The following TEPSIN variants were observed in gnomAD, a reference collection of about 807,000 sequenced individuals.
The protein encoded by TEPSIN is AP-4 complex accessory subunit tepsin.
TEPSIN carries 50 observed loss-of-function variants against 48.5 expected under a neutral mutation model. That is an observed-to-expected ratio of 1.03 (90% confidence interval 0.82 to 1.31). TEPSIN has a LOEUF of 1.31. Ranked by LOEUF, TEPSIN falls within the 50% of genes most tolerant of loss-of-function variation. TEPSIN has a pLI of 0.00. For synonymous variants in TEPSIN, 392 were observed against 358.8 expected (o/e 1.09, Z -1.05); for missense variants, 838 against 815.9 (o/e 1.03, Z -0.33).
At chr17:81,231,749 T>C in intron 9 of TEPSIN, 58 bp from the exon 10 acceptor site, 2 of 1,607,798 alleles carry the variant, frequency 1.2e-6, no homozygotes. Context: ...CACTCCTGTC[T>C]CGCATGGGGG....
chr17:81,229,245 CT>C lies in TEPSIN; in HGVS notation c.1464del (p.Asp489MetfsTer103). 1.2e-6 allele frequency: 1 copy of C among 816,918 alleles called. No individual in the cohort carries two copies. The highest frequency in any genetic ancestry group is 4.0e-5 in the Admixed American group (1 of 25,026). The allele number at this position is 816,918 out of a possible 1,614,324, so 50.6% of individuals were successfully genotyped here. ...CCGGGGGCTGGAATGGGGGAGGCAT[CT>C]GGGGGTGGGGTGGGCACAGGGCTGG... is the stretch of plus-strand genomic sequence containing the variant. ...MPSSPVPTPP[P>X]DASPIPAPGD... On this transcript the variant is annotated frameshift_variant, in exon 13 of 13. Transcript: ENST00000637944. LOFTEE classifies it low-confidence loss of function (END_TRUNC).
chr17:81,229,203 C>G lies in TEPSIN; in HGVS notation c.1507G>C (p.Glu503Gln). 1 of 1,569,634 alleles carries G rather than the reference C, an allele frequency of 6.4e-7. No homozygotes were observed. Among genetic ancestry groups the G allele is most frequent in the East Asian group, 2.3e-5 (1 of 42,628 alleles). The change falls in exon 13 of 13, where the codon GAG becomes CAG. Residue 503 changes from glutamate to glutamine, a missense_variant. By Grantham distance (29) the Glu-to-Gln change is conservative. Coordinates refer to ENST00000637944, the MANE Select transcript of TEPSIN (RefSeq NM_001363764.2). ...IPAPGDPSEAEARLAESRRWR... is the reference protein window; with the variant it reads ...IPAPGDPSEAQARLAESRRWR... The stretch of plus-strand genomic sequence containing the variant: ...CGCCTGCTTTCTGCCAGTCTGGCCT[C>G]GGCCTCGCTGGGGTCTCCGGGGGCT...
At chr17:81,231,182 C>CACACACAT in intron 11 of TEPSIN, 1 of 597,946 alleles carries the variant, frequency 1.7e-6, no homozygotes, top group Non-Finnish European at 3.0e-6. Context: ...GTGTACACAC[C>CACACACAT]GCACACATGC....
rs554257342 is a variant in TEPSIN at position 81,232,435 on chromosome 17, G to C, written c.610C>G (p.Pro204Ala). 1.6e-5 allele frequency: 25 copies of C among 1,535,768 alleles called. No individual in the cohort carries two copies. In the East Asian group the frequency reaches 5.4e-4, roughly 33 times the overall value. ...ASAMRPGPESPSTRRLLPRGD... is the reference protein window; with the variant it reads ...ASAMRPGPESASTRRLLPRGD... ...CGCGGCAGGAGCCTCCGGGTACTGG[G>C]ACTCTCGGGCCCGGGGCGCATGGCG... Residue 204 changes from proline (P) to alanine (A), a missense_variant, in exon 8 of 13, where the codon CCC becomes GCC. Pro to Ala is a conservative substitution (Grantham distance 27, BLOSUM62 -1). Transcript: ENST00000637944.
chr17:81,237,902 C>T, intron 1 of TEPSIN: 1 of 897,846 alleles, frequency 1.1e-6, no homozygotes, highest in South Asian at 4.3e-5. Flanking sequence ...GTGACAGCCG[C>T]TCAGCGTGAC....
chr17:81,230,933 G>GACACCAGAGCC lies in TEPSIN; in HGVS notation c.1099-256_1099-255insGGCTCTGGTGT. 1.9e-6 allele frequency: 1 copy of GACACCAGAGCC among 539,342 alleles called. No individual in the cohort carries two copies. The highest frequency in any genetic ancestry group is 2.5e-5 in the South Asian group (1 of 40,524). 33.4% of individuals were successfully genotyped at this position (539,342 alleles called of 1,614,324 possible). A position where few individuals can be genotyped will look rare whatever the true frequency, so the allele number is the denominator to read the frequency against. ...CCTGTCTTCACCGCCTTACACCCCA[G>GACACCAGAGCC]CTCCCGGACACCAGAGCCATGTCCT... On this transcript the variant is annotated intron_variant, in intron 11 of 12. Coordinates refer to ENST00000637944, the MANE Select transcript of TEPSIN (RefSeq NM_001363764.2). This position sits in a 1 kb window ranked among gnomAD's most constrained non-coding sequence, Gnocchi z 4.2.
intron 12 of TEPSIN, chr17:81,229,711 G>A: frequency 7.1e-6 from 4 of 565,922 alleles, no homozygotes; most frequent in South Asian, 6.8e-5. Context: ...TACACACCTC[G>A]AATCTTGCTC....
rs1162252005 is a variant in TEPSIN at position 81,236,717 on chromosome 17, C to T, written c.298G>A (p.Glu100Lys). 7.0e-6 allele frequency: 11 copies of T among 1,563,532 alleles called. No homozygotes were observed. Among genetic ancestry groups the T allele is most frequent in the Non-Finnish European group, 9.5e-6 (11 of 1,154,608 alleles). The change falls in exon 4 of 13, where the codon GAA (glutamate) becomes AAA (lysine). Residue 100 changes from glutamate to lysine, a missense_variant. Transcript: ENST00000637944. The stretch of plus-strand genomic sequence containing the variant: ...TGCGCGGCCCCTGTACCTGCAGCTT[C>T]CTGGATGAAGGCAGAGTTGCGTTTG... ...ILKRNSAFIQ[E>K]AAAFAGPPDP...
rs1215198850 is a variant in TEPSIN at position 81,228,629 on chromosome 17, C to T, written c.*299G>A. The T allele has an allele frequency of 4.3e-5, 20 of 467,500 alleles. No individual in the cohort carries two copies. Among genetic ancestry groups the T allele is most frequent in the South Asian group, 1.9e-4 (7 of 37,632 alleles). 29.0% of individuals were successfully genotyped at this position (467,500 alleles called of 1,614,324 possible). A position where few individuals can be genotyped will look rare whatever the true frequency, so the allele number is the denominator to read the frequency against. ...AAAATGAAATAAGGAACCTGGTAGT[C>T]GCTTCCGCATTCATACAAGAAACCT... is the stretch of plus-strand genomic sequence containing the variant. On this transcript the variant is annotated 3_prime_UTR_variant, in exon 13 of 13. Transcript: ENST00000637944.
In TEPSIN at chr17:81,228,957, G is replaced by A. The variant is rs1397035761; in HGVS notation, c.1753C>T (p.Pro585Ser). ...TAAKEPPGSE[P>S]SAFAFLNA is the part of the protein sequence containing the mutation. ...GCGTTCAGGAACGCGAAAGCTGACG[G>A]CTCTGAGCCAGGAGGCTCTTTGGCT... Residue 585 changes from proline (P) to serine (S), a missense_variant, in exon 13 of 13, where the codon CCG (proline) becomes TCG (serine). Physicochemically the swap from Pro to Ser is moderately conservative, Grantham distance 74. Coordinates refer to ENST00000637944, the MANE Select transcript of TEPSIN (RefSeq NM_001363764.2). 2 of 1,613,768 alleles carry A rather than the reference G, an allele frequency of 1.2e-6. No individual in the cohort carries two copies. The highest frequency in any genetic ancestry group is 1.7e-6 in the Non-Finnish European group (2 of 1,180,014).
intron 1 of TEPSIN, chr17:81,238,199 C>T: frequency 1.0e-6 from 1 of 985,498 alleles, no homozygotes; most frequent in Non-Finnish European, 1.2e-6. Context: ...GAAGTGTTTC[C>T]CGAGGCTGTG....
intron 8 of TEPSIN, 139 bp downstream of exon 8, chr17:81,232,176 T>C (rs1367549715): frequency 4.6e-6 from 6 of 1,305,594 alleles, no homozygotes; most frequent in East Asian, 5.1e-5. Context: ...ACCAGCCCCA[T>C]GGGCATGTGC....
At chr17:81,231,204 C>T (rs925789946) in intron 11 of TEPSIN, 194 bp downstream of exon 11, 3 of 615,708 alleles carry the variant, frequency 4.9e-6, no homozygotes, top group Non-Finnish European at 8.5e-6. Context: ...CGAGTGTGTA[C>T]ACACACAGGC....
At chr17:81,237,998 T>C (rs2062756037) in intron 1 of TEPSIN, 2 of 997,088 alleles carry the variant, frequency 2.0e-6, no homozygotes, top group Non-Finnish European at 2.4e-6. Flanking sequence ...TCATGCTTAC[T>C]TACTGGCACA....
Position 81,229,334 on chromosome 17 carries a change from A to G in TEPSIN, c.1376T>C (p.Leu459Pro), listed in dbSNP as rs2062537940. The G allele has an allele frequency of 6.4e-7, 1 of 1,567,314 alleles. No homozygotes were observed. The highest frequency in any genetic ancestry group is 1.4e-5 in the African/African-American group (1 of 73,824). The change falls in exon 13 of 13, where the codon CTG becomes CCG. Residue 459 changes from leucine to proline, a missense_variant. Physicochemically the swap from Leu to Pro is moderately conservative, Grantham distance 98. Transcript: ENST00000637944. ...AVPLPGSQVF[L>P]QPLSSTPVSS... ...GACCGGGGTTGAACTCAGAGGCTGC[A>G]GGAAGACCTGGCTCCCAGGGAGAGG...
intron 4 of TEPSIN, among the ~76,000 whole-genome samples, chr17:81,235,446 A>G (rs1234816201): frequency 6.6e-6 from 1 of 152,090 alleles, no homozygotes; most frequent in African/African-American, 2.4e-5. Context: ...CCTGTGTGTC[A>G]CCCAGGGCCA....
intron 4 of TEPSIN, 141 bp downstream of exon 4, chr17:81,236,567 C>T: frequency 1.1e-6 from 1 of 892,234 alleles, no homozygotes; most frequent in East Asian, 2.6e-5. Flanking sequence ...GGGCCAGGAT[C>T]AGCAAGGCGG....
At position 81,230,836 on chromosome 17, in the gene TEPSIN, C is replaced by T. The variant is rs1598349027; in HGVS notation, c.1099-158G>A. On this transcript the variant is annotated intron_variant, in intron 11 of 12. Coordinates refer to ENST00000637944, the MANE Select transcript of TEPSIN (RefSeq NM_001363764.2). This position sits in a 1 kb window ranked among gnomAD's most constrained non-coding sequence, Gnocchi z 4.2. ...TCCACCACAGCCCTGTCCTCACCGC[C>T]TTACACCCCGGATCCCAGACACCAC... 1 of 946,994 alleles carries T rather than the reference C, an allele frequency of 1.1e-6. No homozygotes were observed. Among genetic ancestry groups the T allele is most frequent in the Non-Finnish European group, 1.5e-6 (1 of 666,694 alleles). 58.7% of individuals were successfully genotyped at this position (946,994 alleles called of 1,614,324 possible).
rs2062613651 is a variant in TEPSIN, at chr17:81,231,681, C to T, written c.916G>A (p.Val306Met). Residue 306 changes from valine (V) to methionine (M), a missense_variant, in exon 10 of 13, where the codon GTG (valine) becomes ATG (methionine). Val to Met is a conservative substitution (Grantham distance 21). Transcript: ENST00000637944. ...TCCTGCTGACAGTCACTCAGGGCCA[C>T]CACCTCGACCCTGCCAGGGGGAATG... is the stretch of plus-strand genomic sequence containing the variant. ...PGDLAERVEV[V>M]ALSDCQQELS... The T allele has an allele frequency of 6.2e-7, 1 of 1,611,732 alleles. No homozygotes were observed. The highest frequency in any genetic ancestry group is 1.7e-5 in the Admixed American group (1 of 59,700).
Sources: allele counts gnomAD v4.1 joint callset (sites outside exome capture counted in the v4.1 genomes callset), GRCh38; gene constraint gnomAD v4.1.1; non-coding constraint Gnocchi (gnomAD v3.1); transcripts MANE v1.5; gene names NCBI Gene and HGNC (gene_info 2026-07-23, HGNC 2026-07-21).